Variants in LRP4 observed in about 807,000 individuals in gnomAD.
The protein encoded by LRP4 is LDL receptor related protein 4, also known as low-density lipoprotein receptor-related protein 4.
Under a neutral mutation model 220.3 loss-of-function variants are expected in LRP4, and 95 were observed. The ratio of observed to expected loss-of-function variants is 0.43; its 90% CI spans 0.37 to 0.51. LRP4 has a LOEUF of 0.51. LRP4 is among the 20% of genes least tolerant of loss of function. The probability of loss-of-function intolerance (pLI) is 0.00; values close to 1 mark genes in which losing one functional copy is unlikely to be tolerated. For missense variants in LRP4, 1,925 were observed against 2,567.0 expected, an observed-to-expected ratio of 0.75 and a Z score of 5.40; for synonymous variants, 903 against 954.6, an observed-to-expected ratio of 0.95 and a Z score of 1.00.
At position 46,877,310 on chromosome 11, in the gene LRP4, T is replaced by C. The variant is rs747536043; in HGVS notation, c.3166A>G (p.Arg1056Gly). 3.1e-6 allele frequency: 5 copies of C among 1,613,904 alleles called. No homozygotes were observed. In the Admixed American group the frequency reaches 6.7e-5, roughly 22 times the overall value. ...GMNSFLIFAR[R>G]IDIRMVSLDI... The stretch of plus-strand genomic sequence containing the variant: ...AGGGAGACCATGCGAATGTCTATCC[T>C]CCTGGCGAAGATGAGGAAACTGTTC... Residue 1056 changes from arginine to glycine, a missense_variant, in exon 23 of 38, where the codon AGG becomes GGG. Arg to Gly is a moderately radical substitution (Grantham distance 125). Transcript: ENST00000378623.
rs1940471580 is a variant in LRP4, at chr11:46,859,215, A to G, written c.5486T>C (p.Leu1829Pro). 1 of 1,614,122 alleles carries G rather than the reference A, an allele frequency of 6.2e-7. No individual in the cohort carries two copies. The highest frequency in any genetic ancestry group is 2.2e-5 in the East Asian group (1 of 44,874). Residue 1829 changes from leucine to proline, a missense_variant, in exon 38 of 38, where the codon CTG (leucine) becomes CCG (proline). By Grantham distance (98) the Leu-to-Pro change is moderately conservative. Coordinates refer to ENST00000378623, the MANE Select transcript of LRP4 (RefSeq NM_002334.4). ...DDAEWDDLKQLRSSRGGLLRD... is the reference protein window; with the variant it reads ...DDAEWDDLKQPRSSRGGLLRD... ...GAGGAGGCCCCCCCGTGAGCTTCGC[A>G]GTTGCTTGAGGTCATCCCACTCAGC...
chr11:46,891,306 G>A (rs1269570437), intron 13 of LRP4, among the ~76,000 whole-genome samples: 1 of 151,782 alleles, frequency 6.6e-6, no homozygotes, highest in Non-Finnish European at 1.5e-5. Flanking sequence ...TAGAGATGGG[G>A]TTTCACCATG....
At chr11:46,869,218 C>T in intron 31 of LRP4, 86 bp from the exon 32 acceptor site, 1 of 1,291,264 alleles carries the variant, frequency 7.7e-7, no homozygotes, top group Non-Finnish European at 1.1e-6. Flanking sequence ...TCACCATGTG[C>T]CACTGCCTCT....
rs781770287 is a variant in LRP4, at chr11:46,898,620, T to C, written c.734A>G (p.Asn245Ser). 3.7e-6 allele frequency: 6 copies of C among 1,614,170 alleles called. No homozygotes were observed. Among genetic ancestry groups the C allele is most frequent in the South Asian group, 2.2e-5 (2 of 91,088 alleles). Residue 245 changes from asparagine to serine, a missense_variant, in exon 7 of 38, where the codon AAT becomes AGT. Asn to Ser is a conservative substitution (Grantham distance 46). This residue lies in a region of LRP4 where 412 missense variants were observed against 505.4 expected (regional missense o/e 0.82). Transcript: ENST00000378623. ...GTCACCATCGCAGCGCCAGCCTGCA[T>C]TGATGCACAGGCCACTGTCACACAT... is the stretch of plus-strand genomic sequence containing the variant. Reference protein sequence around the residue: ...EFMCDSGLCINAGWRCDGDAD... With the variant: ...EFMCDSGLCISAGWRCDGDAD...
intron 7 of LRP4, 97 bp downstream of exon 7, chr11:46,898,461 T>C: frequency 1.9e-6 from 3 of 1,556,584 alleles, no homozygotes; most frequent in Admixed American, 1.7e-5. Flanking sequence ...GCTGGCATTA[T>C]AAGCATGAGC....
rs1162563984 is a variant in LRP4, at chr11:46,875,155, T to A, written c.3926-52A>T. 2 of 1,568,534 alleles carry A rather than the reference T, an allele frequency of 1.3e-6. No homozygotes were observed. Among genetic ancestry groups the A allele is most frequent in the South Asian group, 1.1e-5 (1 of 89,026 alleles). ...CACCTAGCCTGGAACATCATCTGAA[T>A]CTTACAAAGGTCCCAGTTGTTTGTG... On this transcript the variant is annotated intron_variant, in intron 27 of 37. Coordinates refer to ENST00000378623, the MANE Select transcript of LRP4 (RefSeq NM_002334.4). The surrounding 1 kb of genome is among the most constrained non-coding windows in gnomAD (Gnocchi z 4.5).
intron 10 of LRP4, 114 bp from the exon 11 acceptor site, chr11:46,895,405 G>T: frequency 6.9e-7 from 1 of 1,449,788 alleles, no homozygotes; most frequent in Non-Finnish European, 9.6e-7. Flanking sequence ...AGGCCTAGTG[G>T]GAAGGCTGTC....
chr11:46,864,256 T>C (rs1260183572), intron 36 of LRP4, among the ~76,000 whole-genome samples, 192 bp downstream of exon 36: 2 of 152,190 alleles, frequency 1.3e-5, no homozygotes, highest in Admixed American at 1.3e-4. Flanking sequence ...ATAAGGAAAA[T>C]GCTTAGGCTG....
At chr11:46,916,868 C>T (rs1185600451) in intron 1 of LRP4, among the ~76,000 whole-genome samples, 7 of 152,214 alleles carry the variant, frequency 4.6e-5, no homozygotes, top group South Asian at 2.1e-4. Flanking sequence ...GGAAGAACAG[C>T]TACATTCCTA....
chr11:46,867,869 C>A, intron 34 of LRP4, 110 bp downstream of exon 34: 1 of 1,300,666 alleles, frequency 7.7e-7, no homozygotes, highest in Non-Finnish European at 1.1e-6. Context: ...GGACTGGTAG[C>A]TCCTGACATA....
rs2134747049 is a variant in LRP4, at chr11:46,857,641, A to C, written c.*1342T>G. 1 of 152,294 alleles carries C rather than the reference A, an allele frequency of 6.6e-6. No individual in the cohort carries two copies. Among genetic ancestry groups the C allele is most frequent in the South Asian group, 2.1e-4 (1 of 4,826 alleles). 9.4% of individuals were successfully genotyped at this position (152,294 alleles called of 1,614,324 possible). The stretch of plus-strand genomic sequence containing the variant: ...GTCAGAAAAAGCAAATTAGGCAAAA[A>C]AACAAACAAAAAAACCCCACGAAGA... On this transcript the variant is annotated 3_prime_UTR_variant, in exon 38 of 38. Transcript: ENST00000378623.
At position 46,875,029 on chromosome 11, in the gene LRP4, C is replaced by A; in HGVS notation, c.4000G>T (p.Ala1334Ser). ...TTCAGCTGGATGCCAGTGGGGCAGGCACAGGAGAAGCCAGAAGGCCGAGGC... is the reference window on the plus strand; with the variant it reads ...TTCAGCTGGATGCCAGTGGGGCAGGAACAGGAGAAGCCAGAAGGCCGAGGC... ...CLPRPSGFSC[A>S]CPTGIQLKGD... The change falls in exon 28 of 38, where the codon GCC (alanine) becomes TCC (serine). Residue 1334 changes from alanine (A) to serine (S), a missense_variant. Coordinates refer to ENST00000378623, the MANE Select transcript of LRP4 (RefSeq NM_002334.4). The surrounding 1 kb of genome is among the most constrained non-coding windows in gnomAD (Gnocchi z 4.5). 1 of 1,614,058 alleles carries A rather than the reference C, an allele frequency of 6.2e-7. No homozygotes were observed. Among genetic ancestry groups the A allele is most frequent in the Non-Finnish European group, 8.5e-7 (1 of 1,180,040 alleles).
intron 30 of LRP4, among the ~76,000 whole-genome samples, 185 bp downstream of exon 30, chr11:46,872,915 A>G (rs965046129): frequency 6.6e-6 from 1 of 152,234 alleles, no homozygotes; most frequent in Admixed American, 6.5e-5. Context: ...CAAAACCCAC[A>G]TAAGGGTTGA....
intron 1 of LRP4, among the ~76,000 whole-genome samples, chr11:46,909,220 G>A (rs887318167): frequency 6.6e-6 from 1 of 152,034 alleles, no homozygotes; most frequent in African/African-American, 2.4e-5. Context: ...TTTTCAAGCT[G>A]AACCAGAGAT....
chr11:46,882,176 G>A (rs1941177952), intron 19 of LRP4, among the ~76,000 whole-genome samples: 1 of 152,150 alleles, frequency 6.6e-6, no homozygotes, highest in Admixed American at 6.6e-5. Flanking sequence ...GAAAGAGGAG[G>A]GGTGAAAATG....
chr11:46,880,184 TAA>T (rs1199751670), intron 20 of LRP4, among the ~76,000 whole-genome samples: 11 of 148,170 alleles, frequency 7.4e-5, no homozygotes, highest in Admixed American at 4.1e-4. Flanking sequence ...GATTAGAGAG[TAA>T]AGAGACTAGA....
rs1357545306 is a variant in LRP4, at chr11:46,874,794, T to C, written c.4229+6A>G. On this transcript the variant is annotated splice_donor_region_variant and intron_variant, in intron 28 of 37. Transcript: ENST00000378623. ...TGTCTTCTGGAGGTTTCAGTGTTGC[T>C]CATACCTGATAACATCCAGGAACAC... is the stretch of plus-strand genomic sequence containing the variant. The C allele has an allele frequency of 1.2e-6, 2 of 1,613,342 alleles. No individual in the cohort carries two copies.
intron 13 of LRP4, among the ~76,000 whole-genome samples, chr11:46,892,523 TA>T (rs1438768583): frequency 3.3e-5 from 5 of 151,174 alleles, no homozygotes; most frequent in Non-Finnish European, 7.4e-5. Context: ...AGCCAGGACC[TA>T]GACTCAAGTG....
intron 25 of LRP4, 146 bp downstream of exon 25, chr11:46,876,320 A>G (rs986358993): frequency 3.5e-5 from 31 of 879,022 alleles, no homozygotes; most frequent in Admixed American, 3.4e-4. Context: ...TCACCCTGCG[A>G]GAAGTCACAA....
Sources: gnomAD v4.1 joint callset for allele counts (sites outside exome capture counted in the v4.1 genomes callset) on GRCh38, gnomAD v4.1.1 for gene constraint, gnomAD v4.1.1 regional missense constraint, Gnocchi (gnomAD v3.1) non-coding constraint, MANE v1.5 for transcripts, NCBI Gene and HGNC (gene_info 2026-07-23, HGNC 2026-07-21) for gene names.